Variants in EGFLAM observed in about 807,000 individuals in gnomAD.
EGFLAM encodes the protein pikachurin.
In EGFLAM, 79 loss-of-function variants were observed where a neutral mutation model predicts 113.1. The ratio of observed to expected loss-of-function variants is 0.70; its 90% CI spans 0.58 to 0.84. EGFLAM has a LOEUF of 0.84. Ranked by LOEUF, EGFLAM falls within the 40% of genes least tolerant of loss-of-function variation. The pLI, the probability that EGFLAM is intolerant of heterozygous loss-of-function variation, is 0.00. For missense variants in EGFLAM, 1,265 were observed against 1,291.6 expected, an observed-to-expected ratio of 0.98 and a Z score of 0.32; for synonymous variants, 504 against 487.6, an observed-to-expected ratio of 1.03 and a Z score of -0.44.
intron 5 of EGFLAM, among the ~76,000 whole-genome samples, chr5:38,368,122 AG>A (rs35413370): frequency 3.9e-5 from 6 of 152,348 alleles, no homozygotes; most frequent in African/African-American, 1.4e-4. Flanking sequence ...AAATATCACA[AG>A]GGAAGCTTAG....
At chr5:38,317,580 T>G (rs1251107101) in intron 1 of EGFLAM, among the ~76,000 whole-genome samples, 1 of 152,232 alleles carries the variant, frequency 6.6e-6, no homozygotes, top group Non-Finnish European at 1.5e-5. Context: ...CCCAGAACCA[T>G]GAGTCTAAGT....
intron 10 of EGFLAM, among the ~76,000 whole-genome samples, chr5:38,411,008 C>A (rs969575098): frequency 2.0e-5 from 3 of 152,204 alleles, no homozygotes; most frequent in Non-Finnish European, 2.9e-5. Context: ...TCCTTAGTTG[C>A]CCATCATTTT....
At chr5:38,322,708 T>A (rs145921406) in intron 1 of EGFLAM, among the ~76,000 whole-genome samples, 13 of 152,306 alleles carry the variant, frequency 8.5e-5, no homozygotes, top group African/African-American at 2.9e-4. Context: ...CACTCGGGAA[T>A]GATGGATTAC....
intron 6 of EGFLAM, among the ~76,000 whole-genome samples, chr5:38,380,651 C>T (rs1740486029): frequency 1.3e-5 from 2 of 152,228 alleles, no homozygotes; most frequent in African/African-American, 4.8e-5. Context: ...GTGAATATAA[C>T]TTCAGATGTA....
At chr5:38,358,172 G>C (rs116059549) in intron 5 of EGFLAM, among the ~76,000 whole-genome samples, 1 of 151,710 alleles carries the variant, frequency 6.6e-6, no homozygotes, top group Non-Finnish European at 1.5e-5. Context: ...CTGGCCGGGC[G>C]TGGTGGCTCA....
chr5:38,355,871 C>T (rs1485944613), intron 5 of EGFLAM, among the ~76,000 whole-genome samples: 1 of 152,152 alleles, frequency 6.6e-6, no homozygotes, highest in Non-Finnish European at 1.5e-5. Flanking sequence ...AGTGATTCTC[C>T]TGTCTCAGCC....
At chr5:38,357,295 C>T (rs1739787983) in intron 5 of EGFLAM, among the ~76,000 whole-genome samples, 2 of 152,194 alleles carry the variant, frequency 1.3e-5, no homozygotes, top group Non-Finnish European at 2.9e-5. Context: ...GCAATGGACC[C>T]TCACCAGGCA....
At chr5:38,455,518 C>T (rs1430480665) in intron 19 of EGFLAM, among the ~76,000 whole-genome samples, 1 of 152,162 alleles carries the variant, frequency 6.6e-6, no homozygotes, top group Non-Finnish European at 1.5e-5. Flanking sequence ...AACATGTCCA[C>T]CACCCAAAAA....
intron 1 of EGFLAM, among the ~76,000 whole-genome samples, chr5:38,278,764 C>T (rs1757948357): frequency 6.6e-6 from 1 of 151,720 alleles, no homozygotes; most frequent in Admixed American, 6.6e-5. Flanking sequence ...GCTAGGATTA[C>T]AGGCATGAGC....
intron 5 of EGFLAM, among the ~76,000 whole-genome samples, chr5:38,368,973 G>A (rs902737579): frequency 6.6e-6 from 1 of 152,134 alleles, no homozygotes; most frequent in Admixed American, 6.5e-5. Context: ...AGCCCTTGAC[G>A]TTATTAGCCA....
intron 1 of EGFLAM, among the ~76,000 whole-genome samples, chr5:38,265,870 T>C (rs1757621097): frequency 6.6e-6 from 1 of 152,246 alleles, no homozygotes; most frequent in Non-Finnish European, 1.5e-5. Flanking sequence ...CTCAGATGAC[T>C]TGATGCACAC....
intron 6 of EGFLAM, among the ~76,000 whole-genome samples, chr5:38,381,379 C>T (rs749652613): frequency 1.3e-5 from 2 of 152,150 alleles, no homozygotes; most frequent in Non-Finnish European, 2.9e-5. Flanking sequence ...AGGAGGGACG[C>T]GGTGCATGCT....
chr5:38,327,339 TG>T (rs1738917648), intron 1 of EGFLAM, among the ~76,000 whole-genome samples: 2 of 152,312 alleles, frequency 1.3e-5, no homozygotes, highest in South Asian at 4.1e-4. Context: ...TTTTGATCTT[TG>T]GATGTAAAAA....
At chr5:38,318,316 A>G (rs1738653974) in intron 1 of EGFLAM, among the ~76,000 whole-genome samples, 1 of 151,202 alleles carries the variant, frequency 6.6e-6, no homozygotes, top group South Asian at 2.1e-4. Flanking sequence ...ATAGAATAAT[A>G]TATTATACTA....
intron 16 of EGFLAM, 104 bp downstream of exon 16, chr5:38,435,357 G>C (rs1473752640): frequency 1.1e-6 from 1 of 889,644 alleles, no homozygotes; most frequent in Non-Finnish European, 1.8e-6. Context: ...AAGACACTTT[G>C]AGAAAGTTTT....
Position 38,435,218 on chromosome 5 carries a change from G to C in EGFLAM, c.2248G>C (p.Gly750Arg). Residue 750 changes from glycine to arginine, a missense_variant, in exon 16 of 22, where the codon GGT (glycine) becomes CGT (arginine). Gly to Arg is a moderately radical substitution (Grantham distance 125, BLOSUM62 -2). Transcript: ENST00000322350. Reference sequence around the variant, plus strand: ...TTATGATGATGTGAAGAAGAACTCGGGTGTCCTGAAGCCTTTCAGCGGGAG... The same window carrying C: ...TTATGATGATGTGAAGAAGAACTCGCGTGTCCTGAAGCCTTTCAGCGGGAG... ...PNYDDVKKNS[G>R]VLKPFSGSIQ... The C allele has an allele frequency of 6.2e-7, 1 of 1,614,052 alleles. No individual in the cohort carries two copies.
At chr5:38,455,686 ATCGG>A (rs1157369938) in intron 19 of EGFLAM, among the ~76,000 whole-genome samples, 2 of 152,116 alleles carry the variant, frequency 1.3e-5, no homozygotes, top group African/African-American at 4.8e-5. Context: ...GGGTTGGGGA[ATCGG>A]GCCATGGAGA....
chr5:38,362,924 A>G (rs1421028319), intron 5 of EGFLAM, among the ~76,000 whole-genome samples: 1 of 152,230 alleles, frequency 6.6e-6, no homozygotes, highest in South Asian at 2.1e-4. Flanking sequence ...CATACATTGA[A>G]TTATGAAACA....
chr5:38,371,890 C>A (rs1430002842), intron 6 of EGFLAM, among the ~76,000 whole-genome samples: 1 of 152,066 alleles, frequency 6.6e-6, no homozygotes, highest in African/African-American at 2.4e-5. Flanking sequence ...ACACTGAGTT[C>A]GTCTTTTTGC....
Sources: gnomAD v4.1 joint callset for allele counts (sites outside exome capture counted in the v4.1 genomes callset) on GRCh38, gnomAD v4.1.1 for gene constraint, MANE v1.5 for transcripts, NCBI Gene and HGNC (gene_info 2026-07-23, HGNC 2026-07-21) for gene names.